Variants in SLC24A3 observed in about 807,000 individuals in gnomAD.
The protein encoded by SLC24A3 is sodium/potassium/calcium exchanger 3.
A neutral mutation model predicts 75.8 loss-of-function variants in SLC24A3; 28 were observed. That is an observed-to-expected ratio of 0.37 (90% CI 0.27 to 0.51). SLC24A3 has a LOEUF of 0.51. SLC24A3 is among the 20% of genes least tolerant of loss of function. The pLI is 0.94. For missense variants in SLC24A3, 663 were observed against 847.8 expected (o/e 0.78, Z 2.71); for synonymous variants, 372 against 334.1 (o/e 1.11, Z -1.24).
At chr20:19,557,635 G>A (rs184451266) in intron 3 of SLC24A3, among the ~76,000 whole-genome samples, 9 of 152,274 alleles carry the variant, frequency 5.9e-5, no homozygotes, top group Admixed American at 3.3e-4. Flanking sequence ...GGGTTTTGAG[G>A]TCAGTAAGAA....
chr20:19,713,908 CCCAGGAAG>C (rs1438589117), intron 15 of SLC24A3, among the ~76,000 whole-genome samples: 1 of 152,172 alleles, frequency 6.6e-6, no homozygotes, highest in African/African-American at 2.4e-5. Context: ...AGATTCAAAA[CCCAGGAAG>C]TTAGCTCTGG....
At chr20:19,473,477 G>A (rs867975194) in intron 2 of SLC24A3, among the ~76,000 whole-genome samples, 10 of 152,344 alleles carry the variant, frequency 6.6e-5, no homozygotes, top group South Asian at 4.1e-4. Context: ...CGGGTAACCC[G>A]CCTTGAGCAC....
At chr20:19,337,875 GC>G (rs1456205814) in intron 2 of SLC24A3, among the ~76,000 whole-genome samples, 1 of 152,204 alleles carries the variant, frequency 6.6e-6, no homozygotes, top group South Asian at 2.1e-4. Context: ...GCTGGCACTT[GC>G]CTCTCATCAC....
chr20:19,598,887 AAT>A (rs73617288), intron 6 of SLC24A3, among the ~76,000 whole-genome samples: 12,901 of 142,764 alleles, frequency 0.09, 1,128 homozygotes, highest in East Asian at 0.31. Context: ...TAAAAATTTA[AAT>A]ATATATATAT....
chr20:19,482,158 C>T (rs1988066205), intron 2 of SLC24A3, among the ~76,000 whole-genome samples: 1 of 152,206 alleles, frequency 6.6e-6, no homozygotes, highest in South Asian at 2.1e-4. Context: ...ATGCAAATGG[C>T]TTCCCATTGC....
chr20:19,327,664 T>G (rs959838734), intron 2 of SLC24A3, among the ~76,000 whole-genome samples: 5 of 152,256 alleles, frequency 3.3e-5, no homozygotes, highest in Non-Finnish European at 5.9e-5. Context: ...GTTACTGACG[T>G]GAGCTTGTCT....
chr20:19,357,876 C>T (rs541604069), intron 2 of SLC24A3, among the ~76,000 whole-genome samples: 17 of 152,226 alleles, frequency 1.1e-4, no homozygotes, highest in Non-Finnish European at 2.2e-4. Context: ...GGGGTGTTGG[C>T]TCTTTCAAAC....
At chr20:19,481,061 G>A (rs1006724429) in intron 2 of SLC24A3, among the ~76,000 whole-genome samples, 4 of 152,188 alleles carry the variant, frequency 2.6e-5, no homozygotes, top group Non-Finnish European at 5.9e-5. Context: ...CATAGAAGTA[G>A]TGGTCATTTT....
At chr20:19,224,856 T>A (rs570109993) in intron 1 of SLC24A3, among the ~76,000 whole-genome samples, 51 of 152,360 alleles carry the variant, frequency 3.3e-4, no homozygotes, top group South Asian at 8.3e-4. Flanking sequence ...AAATATTTAA[T>A]GCAAATTAAC....
At chr20:19,370,200 G>A (rs1382600488) in intron 2 of SLC24A3, among the ~76,000 whole-genome samples, 1 of 152,210 alleles carries the variant, frequency 6.6e-6, no homozygotes, top group East Asian at 1.9e-4. Context: ...TGAAATTCCA[G>A]AGTATCCCTG....
chr20:19,314,253 A>G (rs1474229164), intron 2 of SLC24A3, among the ~76,000 whole-genome samples: 1 of 144,052 alleles, frequency 6.9e-6, no homozygotes, highest in African/African-American at 2.5e-5. Context: ...TTCTATTCCA[A>G]ATCCTCTTTT....
chr20:19,430,293 G>C (rs1331993135), intron 2 of SLC24A3, among the ~76,000 whole-genome samples: 2 of 152,160 alleles, frequency 1.3e-5, no homozygotes, highest in African/African-American at 4.8e-5. Flanking sequence ...AAGGCTTAAA[G>C]CAGAGAAGAT....
intron 2 of SLC24A3, among the ~76,000 whole-genome samples, chr20:19,470,234 G>A (rs1987847154): frequency 6.6e-6 from 1 of 152,138 alleles, no homozygotes; most frequent in Non-Finnish European, 1.5e-5. Flanking sequence ...ACCACTCAAT[G>A]TGTCTGTTTC....
intron 2 of SLC24A3, among the ~76,000 whole-genome samples, chr20:19,382,823 A>G (rs2122375272): frequency 6.6e-6 from 1 of 152,314 alleles, no homozygotes; most frequent in East Asian, 1.9e-4. Flanking sequence ...GGTTGTAGCC[A>G]GGATAGATGA....
chr20:19,248,099 A>G (rs761472575), intron 1 of SLC24A3, among the ~76,000 whole-genome samples: 6 of 152,184 alleles, frequency 3.9e-5, no homozygotes, highest in African/African-American at 7.2e-5. Context: ...TTTGTTCCAG[A>G]GCATGACATA....
At chr20:19,346,304 A>ATATATATATGGTATATATATATGGTGTG (rs1568595875) in intron 2 of SLC24A3, among the ~76,000 whole-genome samples, 4 of 56,622 alleles carry the variant, frequency 7.1e-5, no homozygotes, top group African/African-American at 4.6e-4. Context: ...TATATGGTGT[A>ATATATATATGGTATATATATATGGTGTG]TATATATATA....
At chr20:19,567,288 G>T (rs2030974083) in intron 3 of SLC24A3, among the ~76,000 whole-genome samples, 2 of 152,208 alleles carry the variant, frequency 1.3e-5, no homozygotes, top group African/African-American at 4.8e-5. Flanking sequence ...TCCATCAACA[G>T]TAGACTGGAT....
At chr20:19,533,104 C>T (rs78588689) in intron 3 of SLC24A3, among the ~76,000 whole-genome samples, 2,606 of 152,320 alleles carry the variant, frequency 0.017, 74 homozygotes, top group African/African-American at 0.057. Flanking sequence ...GTTATCAGTC[C>T]TGGGTCTATC....
At chr20:19,496,534 A>G (rs1988290646) in intron 2 of SLC24A3, among the ~76,000 whole-genome samples, 1 of 152,184 alleles carries the variant, frequency 6.6e-6, no homozygotes, top group African/African-American at 2.4e-5. Flanking sequence ...TGGAATGATC[A>G]AGAGAATGTT....
Sources: allele counts gnomAD v4.1 joint callset (sites outside exome capture counted in the v4.1 genomes callset), GRCh38; gene constraint gnomAD v4.1.1; transcripts MANE v1.5; gene names NCBI Gene and HGNC (gene_info 2026-07-23, HGNC 2026-07-21).